Variants in KIRREL3 observed in about 807,000 individuals in gnomAD.
KIRREL3 encodes kin of IRRE-like protein 3.
KIRREL3 carries 36 observed loss-of-function variants against 89.7 expected under a neutral mutation model. That is an observed-to-expected ratio of 0.40 (90% CI 0.31 to 0.53). KIRREL3 has a LOEUF of 0.53. KIRREL3 is among the 20% of genes least tolerant of loss of function. The pLI, the probability that KIRREL3 is intolerant of heterozygous loss-of-function variation, is 0.49. For synonymous variants in KIRREL3, 445 were observed against 441.4 expected, an observed-to-expected ratio of 1.01 and a Z score of -0.10; for missense variants, 864 against 1,056.6, an observed-to-expected ratio of 0.82 and a Z score of 2.53.
At chr11:126,848,351 T>C (rs549103555) in intron 1 of KIRREL3, among the ~76,000 whole-genome samples, 1 of 152,270 alleles carries the variant, frequency 6.6e-6, no homozygotes, top group East Asian at 1.9e-4. Flanking sequence ...TTAGTGAAAA[T>C]GGAAAATTGG....
Position 126,610,043 on chromosome 11 carries a change from T to C in KIRREL3, c.56-47131A>G, listed in dbSNP as rs2134787806. Among the ~76,000 whole-genome samples the C allele has an allele frequency of 6.6e-6, 1 of 152,284 alleles. No homozygotes were observed. The highest frequency in any genetic ancestry group is 1.5e-5 in the Non-Finnish European group (1 of 68,034). ...AAGTAAATGAGGCCGAAGTCACACA[T>C]TGTTTCAGTTACAAAGTTAGGCCTG... On this transcript the variant is annotated intron_variant, in intron 1 of 16. Transcript: ENST00000525144. The surrounding 1 kb of genome is among the most constrained non-coding windows in gnomAD (Gnocchi z 4.6).
intron 2 of KIRREL3, among the ~76,000 whole-genome samples, chr11:126,533,776 T>C (rs1406262529): frequency 6.6e-6 from 1 of 152,220 alleles, no homozygotes; most frequent in African/African-American, 2.4e-5. Context: ...GCCTCCATTT[T>C]CCTATCTGTG....
rs1432962672 is a variant in KIRREL3 at position 126,983,774 on chromosome 11, C to T, written c.55+16681G>A. Among the ~76,000 whole-genome samples the T allele has an allele frequency of 6.6e-6, 1 of 152,172 alleles. No individual in the cohort carries two copies. On this transcript the variant is annotated intron_variant, in intron 1 of 16. Coordinates refer to ENST00000525144, the MANE Select transcript of KIRREL3 (RefSeq NM_032531.4). This position sits in a 1 kb window ranked among gnomAD's most constrained non-coding sequence, Gnocchi z 4.9. The stretch of plus-strand genomic sequence containing the variant: ...CTGACCTCCAGAAGCTAAGATAGTA[C>T]ATTTGTGTTGTTTTAAGCCACTACG...
At chr11:126,712,073 C>T (rs951967770) in intron 1 of KIRREL3, among the ~76,000 whole-genome samples, 32 of 152,254 alleles carry the variant, frequency 2.1e-4, no homozygotes, top group African/African-American at 7.0e-4. Flanking sequence ...CAGTGGTCCT[C>T]TTCCGACATG....
rs369655790 is a variant in KIRREL3, at chr11:126,465,345, A to G, written c.592-2038T>C. ...AACCTGTGTTCCAAGTGAGCCGGGA[A>G]CTTGCTGGGTGGAGCTAGGATTTGC... On this transcript the variant is annotated intron_variant, in intron 5 of 16. Coordinates refer to ENST00000525144, the MANE Select transcript of KIRREL3 (RefSeq NM_032531.4). 6.6e-5 allele frequency among the ~76,000 whole-genome samples: 10 copies of G among 152,286 alleles called. 1 individual carries two copies. The East Asian group carries it at 9.7e-4, about 15-fold the overall frequency.
At chr11:126,886,288 A>G (rs983952325) in intron 1 of KIRREL3, among the ~76,000 whole-genome samples, 1 of 152,162 alleles carries the variant, frequency 6.6e-6, no homozygotes, top group African/African-American at 2.4e-5. Flanking sequence ...ACTAATATCT[A>G]TTTTCAGCAG....
intron 4 of KIRREL3, among the ~76,000 whole-genome samples, chr11:126,494,361 T>C (rs548270209): frequency 7.2e-5 from 11 of 152,378 alleles, no homozygotes; most frequent in African/African-American, 2.6e-4. Context: ...TCAATATTTT[T>C]CCAACTACTT....
At chr11:126,604,251 CA>C (rs1460453657) in intron 1 of KIRREL3, among the ~76,000 whole-genome samples, 1 of 152,150 alleles carries the variant, frequency 6.6e-6, no homozygotes. Context: ...GCAGAGCTGA[CA>C]GGGGTGAGTG....
intron 1 of KIRREL3, among the ~76,000 whole-genome samples, chr11:126,863,372 C>T (rs1457758842): frequency 2.1e-5 from 3 of 145,432 alleles, no homozygotes; most frequent in Admixed American, 7.0e-5. Context: ...TGTTTGAGTG[C>T]GTGTGTGTGT....
At chr11:126,479,219 C>T (rs12363699) in intron 4 of KIRREL3, among the ~76,000 whole-genome samples, 4,536 of 152,176 alleles carry the variant, frequency 0.03, 105 homozygotes, top group Non-Finnish European at 0.049. Context: ...GCCGAAGCCT[C>T]GGGGTGCATC....
chr11:126,431,251 C>A lies in KIRREL3; in HGVS notation c.1696+168G>T. ...GCCCACTCTGCCAGGCGCCATGTTGCCCAGGCTCACATACACCGATGCATC... is the reference window on the plus strand; with the variant it reads ...GCCCACTCTGCCAGGCGCCATGTTGACCAGGCTCACATACACCGATGCATC... On this transcript the variant is annotated intron_variant, in intron 14 of 16. Transcript: ENST00000525144. The surrounding 1 kb of genome is among the most constrained non-coding windows in gnomAD (Gnocchi z 7.1). The A allele has an allele frequency of 1.3e-6, 2 of 1,531,064 alleles. No homozygotes were observed. Among genetic ancestry groups the A allele is most frequent in the South Asian group, 1.2e-5 (1 of 82,206 alleles). The allele number at this position is 1,531,064 out of a possible 1,614,324, so 94.8% of individuals were successfully genotyped here. A position where few individuals can be genotyped will look rare whatever the true frequency, so the allele number is the denominator to read the frequency against.
At chr11:126,786,742 G>A (rs998627685) in intron 1 of KIRREL3, among the ~76,000 whole-genome samples, 2 of 152,136 alleles carry the variant, frequency 1.3e-5, no homozygotes, top group African/African-American at 4.8e-5. Context: ...TGCTGCCACC[G>A]GGCTCCTTGG....
At chr11:126,657,111 C>T (rs1037804684) in intron 1 of KIRREL3, among the ~76,000 whole-genome samples, 40 of 152,042 alleles carry the variant, frequency 2.6e-4, no homozygotes, top group Non-Finnish European at 5.9e-5. Context: ...GATTTTCTCT[C>T]ACACTGTATT....
intron 1 of KIRREL3, among the ~76,000 whole-genome samples, chr11:126,732,271 C>A (rs528586631): frequency 6.6e-6 from 1 of 152,216 alleles, no homozygotes; most frequent in South Asian, 2.1e-4. Context: ...ATAATGATTC[C>A]GCAGTTTATA....
chr11:126,725,225 G>A (rs532005161), intron 1 of KIRREL3, among the ~76,000 whole-genome samples: 1 of 152,288 alleles, frequency 6.6e-6, no homozygotes, highest in South Asian at 2.1e-4. Flanking sequence ...GTGGTGCCTC[G>A]TATGCCATGA....
chr11:126,881,243 C>T (rs1029619834), intron 1 of KIRREL3, among the ~76,000 whole-genome samples: 3 of 152,152 alleles, frequency 2.0e-5, no homozygotes, highest in Admixed American at 1.3e-4. Context: ...ACTTTGCATG[C>T]GACTCCCCCT....
chr11:126,702,963 G>T (rs1364302822), intron 1 of KIRREL3, among the ~76,000 whole-genome samples: 1 of 152,224 alleles, frequency 6.6e-6, no homozygotes, highest in Non-Finnish European at 1.5e-5. Flanking sequence ...CTTTCTTCTG[G>T]CTGGGCCCCT....
intron 2 of KIRREL3, among the ~76,000 whole-genome samples, chr11:126,548,525 T>C (rs2134521236): frequency 6.6e-6 from 1 of 152,372 alleles, no homozygotes; most frequent in East Asian, 1.9e-4. Context: ...TCAGAGTTTC[T>C]TACTGGGACT....
intron 1 of KIRREL3, among the ~76,000 whole-genome samples, chr11:126,982,969 T>A (rs558712296): frequency 5.3e-5 from 8 of 152,346 alleles, no homozygotes; most frequent in African/African-American, 1.9e-4. Context: ...CAGCATCTAA[T>A]AGATGTGCCT....
Sources: allele counts gnomAD v4.1 joint callset (sites outside exome capture counted in the v4.1 genomes callset), GRCh38; gene constraint gnomAD v4.1.1; non-coding constraint Gnocchi (gnomAD v3.1); transcripts MANE v1.5; gene names NCBI Gene and HGNC (gene_info 2026-07-23, HGNC 2026-07-21).